The following IGSF9B variants were observed in gnomAD, a reference collection of about 807,000 sequenced individuals.
IGSF9B encodes the protein immunoglobulin superfamily member 9B.
IGSF9B carries 48 observed loss-of-function variants against 143.7 expected under a neutral mutation model. The observed-to-expected ratio is 0.33, with a 90% CI of 0.26 to 0.42. IGSF9B has a LOEUF of 0.42. Among genes scored for constraint, IGSF9B ranks in the 20% least tolerant of loss-of-function variants. The pLI is 1.00. For missense variants in IGSF9B, 1,706 were observed against 1,980.0 expected, an observed-to-expected ratio of 0.86 and a Z score of 2.63; for synonymous variants, 903 against 833.1, an observed-to-expected ratio of 1.08 and a Z score of -1.44.
chr11:133,943,045 C>A (rs1048706906), intron 3 of IGSF9B, among the ~76,000 whole-genome samples: 3 of 152,114 alleles, frequency 2.0e-5, no homozygotes, highest in Non-Finnish European at 4.4e-5. Context: ...CTGGCCCAGC[C>A]CCCCCAGGCA....
At chr11:133,935,320 G>A (rs1053965257) in intron 7 of IGSF9B, among the ~76,000 whole-genome samples, 1 of 152,224 alleles carries the variant, frequency 6.6e-6, no homozygotes, top group African/African-American at 2.4e-5. Flanking sequence ...TTCAGCCCGA[G>A]GACCACCGTT....
Position 133,931,381 on chromosome 11 carries a change from C to G in IGSF9B, c.1368+72G>C. ...CCCCGGGGCTCGCTGGGCCCTCAAA[C>G]CTCCCCGCAGCCCCAGGGCTCCCTG... On this transcript the variant is annotated intron_variant, in intron 10 of 19. Coordinates refer to ENST00000533871, the MANE Select transcript of IGSF9B (RefSeq NM_001277285.4). The surrounding 1 kb of genome is among the most constrained non-coding windows in gnomAD (Gnocchi z 7.7). 4.3e-6 allele frequency: 5 copies of G among 1,169,706 alleles called. No homozygotes were observed. Among genetic ancestry groups the G allele is most frequent in the Non-Finnish European group, 5.0e-6 (4 of 807,162 alleles). The allele number at this position is 1,169,706 out of a possible 1,614,324, so 72.5% of individuals were successfully genotyped here. A position where few individuals can be genotyped will look rare whatever the true frequency, so the allele number is the denominator to read the frequency against.
Position 133,899,077 on chromosome 11 carries a change from A to T in IGSF9B, c.*9992T>A, listed in dbSNP as rs1188519729. On this transcript the variant is annotated 3_prime_UTR_variant, in exon 20 of 20. Transcript: ENST00000533871. ...TCCCGACTCTTGCTCTATATAGTAG[A>T]CAGAGGTAGCAAGACAGAAACAACT... The T allele has an allele frequency of 6.6e-6, 1 of 152,272 alleles. No homozygotes were observed. The highest frequency in any genetic ancestry group is 1.5e-5 in the Non-Finnish European group (1 of 68,090). 9.4% of individuals were successfully genotyped at this position (152,272 alleles called of 1,614,324 possible). A position where few individuals can be genotyped will look rare whatever the true frequency, so the allele number is the denominator to read the frequency against.
At chr11:133,925,295 G>C (rs1177988828) in intron 14 of IGSF9B, among the ~76,000 whole-genome samples, 2 of 152,330 alleles carry the variant, frequency 1.3e-5, no homozygotes, top group East Asian at 3.9e-4. Flanking sequence ...GTTTAACGGA[G>C]CTACTGGAAA....
chr11:133,910,395 T>C (rs1001979595), intron 19 of IGSF9B, among the ~76,000 whole-genome samples: 12 of 151,958 alleles, frequency 7.9e-5, no homozygotes, highest in South Asian at 4.2e-4. Context: ...GAGTTAGCAA[T>C]AGAGACAACA....
In IGSF9B at chr11:133,899,881, G is replaced by A. The variant is rs188450676; in HGVS notation, c.*9188C>T. On this transcript the variant is annotated 3_prime_UTR_variant, in exon 20 of 20. Transcript: ENST00000533871. Reference sequence around the variant, plus strand: ...TCTTACAAGAAACACTCAGCTGCAGGAGCCTGCAAGAAAGATCATTCAAGG... The same window carrying A: ...TCTTACAAGAAACACTCAGCTGCAGAAGCCTGCAAGAAAGATCATTCAAGG... 4.6e-5 allele frequency: 7 copies of A among 152,274 alleles called. No individual in the cohort carries two copies. In the East Asian group the frequency reaches 1.2e-3, roughly 25 times the overall value. The allele number at this position is 152,274 out of a possible 1,614,324, so 9.4% of individuals were successfully genotyped here. A position where few individuals can be genotyped will look rare whatever the true frequency, so the allele number is the denominator to read the frequency against.
chr11:133,952,461 GGC>G (rs1940177943), intron 1 of IGSF9B, among the ~76,000 whole-genome samples: 1 of 152,184 alleles, frequency 6.6e-6, no homozygotes. Flanking sequence ...CTGCTCTCAG[GGC>G]TGCAGCACGG....
chr11:133,902,485 C>CACACCACACACA lies in IGSF9B; in HGVS notation c.*6583_*6584insTGTGTGTGGTGT, dbSNP rs1939153195. Among the ~76,000 whole-genome samples the CACACCACACACA allele has an allele frequency of 7.0e-6, 1 of 143,710 alleles. No individual in the cohort carries two copies. Among genetic ancestry groups the CACACCACACACA allele is most frequent in the African/African-American group, 2.6e-5 (1 of 38,904 alleles). The allele number at this position is 143,710 out of a possible 152,430, so 94.3% of individuals were successfully genotyped here. ...ACAGATACACACACCACACACAACA[C>CACACCACACACA]ACACACACACCAGACATGCACACCA... On this transcript the variant is annotated 3_prime_UTR_variant, in exon 20 of 20. Coordinates refer to ENST00000533871, the MANE Select transcript of IGSF9B (RefSeq NM_001277285.4).
chr11:133,916,485 C>A (rs1233808274), intron 18 of IGSF9B, among the ~76,000 whole-genome samples: 1 of 152,178 alleles, frequency 6.6e-6, no homozygotes, highest in African/African-American at 2.4e-5. Flanking sequence ...AGCAGCCGTA[C>A]CGGGGAGGCT....
Position 133,911,889 on chromosome 11 carries a change from A to T in IGSF9B, c.4102T>A (p.Ser1368Thr), listed in dbSNP as rs189864410. 2.3e-5 allele frequency: 35 copies of T among 1,527,766 alleles called. No individual in the cohort carries two copies. The African/African-American group carries it at 4.0e-4, about 17-fold the overall frequency. The allele number at this position is 1,527,766 out of a possible 1,614,324, so 94.6% of individuals were successfully genotyped here. The change falls in exon 19 of 20, where the codon TCC becomes ACC. Residue 1368 changes from serine (S) to threonine (T), a missense_variant. Around this residue, in one of 7 missense-constraint regions of IGSF9B, gnomAD observed 880 missense variants for 762.9 expected, o/e 1.15. Transcript: ENST00000533871. ...SKGSSKSKKR[S>T]DDSASQTQQL... ...CGGGCCACTGCCCATCATTTACCGG[A>T]TCGTTTCTTTGACTTCGAAGAGCCC...
intron 6 of IGSF9B, 39 bp downstream of exon 6, chr11:133,936,014 G>C: frequency 6.2e-7 from 1 of 1,605,772 alleles, no homozygotes; most frequent in South Asian, 1.1e-5. Context: ...TGGGGGCTGG[G>C]GTGGCAACCT....
intron 3 of IGSF9B, among the ~76,000 whole-genome samples, chr11:133,942,167 A>G (rs1478624868): frequency 6.6e-6 from 1 of 152,130 alleles, no homozygotes; most frequent in African/African-American, 2.4e-5. Flanking sequence ...TCCTCTCGAG[A>G]AGGAGGATGG....
In IGSF9B at chr11:133,902,717, C is replaced by CA. The variant is rs1939158795; in HGVS notation, c.*6351dup. Among the ~76,000 whole-genome samples the CA allele has an allele frequency of 6.6e-6, 1 of 152,154 alleles. No homozygotes were observed. The highest frequency in any genetic ancestry group is 1.5e-5 in the Non-Finnish European group (1 of 68,038). ...AATCCCTTCTCCAGCCCTGCCAGGA[C>CA]ACCGTCGGCCATGGCACACCTCTCG... On this transcript the variant is annotated 3_prime_UTR_variant, in exon 20 of 20. Transcript: ENST00000533871.
Position 133,944,339 on chromosome 11 carries a change from G to A in IGSF9B, c.290C>T (p.Ser97Phe). 6.2e-7 allele frequency: 1 copy of A among 1,613,896 alleles called. No individual in the cohort carries two copies. Among genetic ancestry groups the A allele is most frequent in the Non-Finnish European group, 8.5e-7 (1 of 1,179,880 alleles). The change falls in exon 3 of 20, where the codon TCT (serine) becomes TTT (phenylalanine). Residue 97 changes from serine (S) to phenylalanine (F), a missense_variant. Physicochemically the swap from Ser to Phe is radical, Grantham distance 155. Around this residue, in one of 7 missense-constraint regions of IGSF9B, gnomAD observed 171 missense variants for 213.9 expected, o/e 0.80. Coordinates refer to ENST00000533871, the MANE Select transcript of IGSF9B (RefSeq NM_001277285.4). ...AGRASLHDKASLRLEQVRSED... is the reference protein window; with the variant it reads ...AGRASLHDKAFLRLEQVRSED... ...AGAGCGAACTTGTTCCAGCCGCAGA[G>A]ATGCCTTATCATGAAGACTGGCCCG...
intron 18 of IGSF9B, chr11:133,912,422 G>A: frequency 4.4e-6 from 2 of 455,032 alleles, no homozygotes; most frequent in Non-Finnish European, 8.8e-6. Flanking sequence ...ATTAGAGCAG[G>A]GGGCAAGCAG....
intron 1 of IGSF9B, chr11:133,952,152 C>T (rs1395227611): frequency 4.7e-6 from 2 of 426,096 alleles, no homozygotes; most frequent in Non-Finnish European, 9.7e-6. Context: ...TGCTTATTCA[C>T]GCAAGAGAGA....
rs1292255064 is a variant in IGSF9B at position 133,946,348 on chromosome 11, G to GC, written c.65-91dup. 3.9e-5 allele frequency: 45 copies of GC among 1,146,156 alleles called. No homozygotes were observed. In the African/African-American group the frequency reaches 5.3e-4, roughly 14 times the overall value. The allele number at this position is 1,146,156 out of a possible 1,614,324, so 71.0% of individuals were successfully genotyped here. ...CATGTCCGTGTCACAGGGTCACCCC[G>GC]CCCCCCACCAGCTGCCCTCCATGGG... On this transcript the variant is annotated intron_variant, in intron 1 of 19. Coordinates refer to ENST00000533871, the MANE Select transcript of IGSF9B (RefSeq NM_001277285.4).
chr11:133,930,642 C>T (rs1281429741), intron 11 of IGSF9B, among the ~76,000 whole-genome samples: 1 of 152,198 alleles, frequency 6.6e-6, no homozygotes, highest in African/African-American at 2.4e-5. Context: ...TCCCCGTCTC[C>T]CTCATTCCAG....
chr11:133,956,020 C>G (rs1407471428), intron 1 of IGSF9B, among the ~76,000 whole-genome samples: 2 of 151,998 alleles, frequency 1.3e-5, no homozygotes, highest in Non-Finnish European at 2.9e-5. Context: ...CCAGGTGCGG[C>G]TGAGAGGCGC....
Sources: allele counts gnomAD v4.1 joint callset (sites outside exome capture counted in the v4.1 genomes callset), GRCh38; gene constraint gnomAD v4.1.1; regional missense constraint gnomAD v4.1.1; non-coding constraint Gnocchi (gnomAD v3.1); transcripts MANE v1.5; gene names NCBI Gene and HGNC (gene_info 2026-07-23, HGNC 2026-07-21).